IKZF4: variants seen among roughly 807,000 people sequenced by gnomAD.
The protein encoded by IKZF4 is IKAROS family zinc finger 4.
A neutral mutation model predicts 47.7 loss-of-function variants in IKZF4; 11 were observed. The observed-to-expected ratio is 0.23, with a 90% CI of 0.15 to 0.38. The LOEUF (loss-of-function observed/expected upper bound fraction) is 0.38. IKZF4 is among the 10% of genes least tolerant of loss of function. The pLI is 1.00. For synonymous variants in IKZF4, 298 were observed against 299.4 expected (o/e 1.00, Z 0.05); for missense variants, 557 against 784.9 (o/e 0.71, Z 3.47).
At chr12:56,012,236 T>G (rs1460617089) in intron 2 of IKZF4, among the ~76,000 whole-genome samples, 1 of 152,170 alleles carries the variant, frequency 6.6e-6, no homozygotes, top group Non-Finnish European at 1.5e-5. Context: ...TCATGACCTT[T>G]TACCCCCTAG....
intron 1 of IKZF4, among the ~76,000 whole-genome samples, chr12:56,009,690 C>T (rs1891115127): frequency 6.6e-6 from 1 of 152,216 alleles, no homozygotes; most frequent in Non-Finnish European, 1.5e-5. Context: ...CAGAATTATA[C>T]CTTGCCCTAG....
In IKZF4 at chr12:56,036,963, TTCTC is replaced by T. The variant is rs1341801991; in HGVS notation, c.*1639_*1642del. ...CCTCACAAGTTGTAACTCTTGGTCC[TTCTC>T]TCTCTCCTTTTCTCTTCCCTTCCTT... On this transcript the variant is annotated 3_prime_UTR_variant, in exon 8 of 8. Transcript: ENST00000547167. 1 of 152,182 alleles carries T rather than the reference TTCTC, an allele frequency of 6.6e-6. No individual in the cohort carries two copies. The highest frequency in any genetic ancestry group is 1.5e-5 in the Non-Finnish European group (1 of 68,028). 9.4% of individuals were successfully genotyped at this position (152,182 alleles called of 1,614,324 possible).
rs368465894 is a variant in IKZF4 at position 56,034,758 on chromosome 12, C to T, written c.1185C>T (p.Leu395=). ...CACCCACCAATTGCATCTCAGAACT[C>T]ACGCCTGTCATCAGCTCTGTCTACA... is the stretch of plus-strand genomic sequence containing the variant. The part of the protein sequence containing the change: ...RLPPTNCISE[L]TPVISSVYTQ... The change falls in exon 8 of 8, where the codon CTC becomes CTT. Residue 395 remains leucine (L), a synonymous_variant. Transcript: ENST00000547167. 123 of 1,614,052 alleles carry T rather than the reference C, an allele frequency of 7.6e-5. No individual in the cohort carries two copies. In the East Asian group the frequency reaches 2.3e-3, roughly 30 times the overall value.
Position 56,030,656 on chromosome 12 carries a change from G to C in IKZF4, c.716-1905G>C, listed in dbSNP as rs374823915. Among the ~76,000 whole-genome samples, 7 of 152,134 alleles carry C rather than the reference G, an allele frequency of 4.6e-5. No individual in the cohort carries two copies. The East Asian group carries it at 1.2e-3, about 25-fold the overall frequency. The stretch of plus-strand genomic sequence containing the variant: ...AGACAGGAGAATTCCTTGAGCCCAG[G>C]AGGCAGAGGTTGCAGTAAGCCAAGA... On this transcript the variant is annotated intron_variant, in intron 5 of 7. Coordinates refer to ENST00000547167, the MANE Select transcript of IKZF4 (RefSeq NM_022465.4).
At chr12:56,022,083 G>A (rs1893109993) in intron 1 of IKZF4, among the ~76,000 whole-genome samples, 1 of 152,130 alleles carries the variant, frequency 6.6e-6, no homozygotes, top group Non-Finnish European at 1.5e-5. Flanking sequence ...TGCCACCCTG[G>A]AGCCCGTGGT....
Position 56,027,059 on chromosome 12 carries a change from G to T in IKZF4, c.547+18G>T. On this transcript the variant is annotated intron_variant, in intron 4 of 7. Coordinates refer to ENST00000547167, the MANE Select transcript of IKZF4 (RefSeq NM_022465.4). ...TCACACTGGTAAGTAAGCCAGAGGG[G>T]CTCTGGGAGGAGCTCCCAGGGTGGG... is the stretch of plus-strand genomic sequence containing the variant. 6.7e-7 allele frequency: 1 copy of T among 1,485,180 alleles called. No homozygotes were observed. The highest frequency in any genetic ancestry group is 2.5e-5 in the East Asian group (1 of 40,108). The allele number at this position is 1,485,180 out of a possible 1,614,324, so 92.0% of individuals were successfully genotyped here.
At chr12:56,017,059 G>A (rs543166986), upstream of IKZF4, among the ~76,000 whole-genome samples, 2 of 151,946 alleles carry the variant, frequency 1.3e-5, no homozygotes, top group African/African-American at 4.8e-5. Context: ...ATTTCCACCA[G>A]ATAGATTTTT....
At chr12:56,013,299 G>A (rs367951416) in intron 2 of IKZF4, among the ~76,000 whole-genome samples, 15 of 152,106 alleles carry the variant, frequency 9.9e-5, no homozygotes, top group East Asian at 7.8e-4. Flanking sequence ...GGGTTCAAAC[G>A]ATTCTTATGC....
Position 56,023,784 on chromosome 12 carries a change from G to A in IKZF4, c.181+20G>A. On this transcript the variant is annotated intron_variant, in intron 2 of 7. Transcript: ENST00000547167. ...GTGAAAGTAAGTATGTGCATAGCTGGGCAATTGGGTAAAGTACTAATAGGT... is the reference window on the plus strand; with the variant it reads ...GTGAAAGTAAGTATGTGCATAGCTGAGCAATTGGGTAAAGTACTAATAGGT... 3.7e-6 allele frequency: 6 copies of A among 1,610,682 alleles called. No individual in the cohort carries two copies. The highest frequency in any genetic ancestry group is 5.1e-6 in the Non-Finnish European group (6 of 1,178,230).
chr12:56,024,726 TC>T (rs1470621307), intron 2 of IKZF4: 2 of 1,206,670 alleles, frequency 1.7e-6, no homozygotes, highest in African/African-American at 3.2e-5. Context: ...TGAACATCTG[TC>T]CCTTCTGCAG....
intron 2 of IKZF4, among the ~76,000 whole-genome samples, chr12:56,013,996 C>T (rs540915693): frequency 2.6e-5 from 4 of 152,060 alleles, no homozygotes; most frequent in Middle Eastern, 3.4e-3. Context: ...ACTAAAAATA[C>T]AAAAATTAGC....
At position 56,014,800 on chromosome 12, in the gene IKZF4, A is replaced by AAACAAG. The variant is rs1194241616; in HGVS notation, c.-214+3311_-214+3312insGAACAA. On this transcript the variant is annotated intron_variant, in intron 2 of 11. Coordinates refer to the IKZF4 transcript ENST00000262032. ...GTCTCAAAAAAAAAAACAAAAACAAAAACAAAAAAAACAGGGAAAAGCAAG... is the reference window on the plus strand; with the variant it reads ...GTCTCAAAAAAAAAAACAAAAACAAAAACAAGAACAAAAAAAACAGGGAAAAGCAAG... Among the ~76,000 whole-genome samples the AAACAAG allele has an allele frequency of 3.3e-5, 5 of 152,226 alleles. No homozygotes were observed. In the East Asian group the frequency reaches 5.8e-4, roughly 18 times the overall value.
Position 56,024,874 on chromosome 12 carries a change from G to A in IKZF4, c.182-180G>A, listed in dbSNP as rs7298188. The A allele has an allele frequency of 1.2e-3, 1,760 of 1,484,168 alleles. 8 individuals are homozygous for A. In the African/African-American group the frequency reaches 0.019, roughly 16 times the overall value. The allele number at this position is 1,484,168 out of a possible 1,614,324, so 91.9% of individuals were successfully genotyped here. On this transcript the variant is annotated intron_variant, in intron 2 of 7. Transcript: ENST00000547167. ...CCAGCCACTGAGCTCACAGAAGGCA[G>A]CACCAGGCATCCAGACTGGCGGGGG...
chr12:56,026,544 C>T (rs1346415374), intron 3 of IKZF4, among the ~76,000 whole-genome samples: 2 of 151,902 alleles, frequency 1.3e-5, no homozygotes, highest in Non-Finnish European at 2.9e-5. Context: ...ACCAAATTAG[C>T]TGGGTGTGAT....
chr12:56,017,073 T>C (rs1194643422), upstream of IKZF4, among the ~76,000 whole-genome samples: 4 of 152,026 alleles, frequency 2.6e-5, no homozygotes, highest in African/African-American at 4.8e-5. Context: ...GATTTTTTTT[T>C]TCTCTCCTCC....
chr12:56,026,806 C>T lies in IKZF4; in HGVS notation c.312C>T (p.Tyr104=), dbSNP rs1353201321. ...CCAACTCCATCAAGGTGGAGATGTA[C>T]AGCGATGAGGAGTCAAGCAGACTGC... ...LSANSIKVEM[Y]SDEESSRLLG... The change falls in exon 4 of 8, where the codon TAC becomes TAT. Residue 104 remains tyrosine, a synonymous_variant. Coordinates refer to ENST00000547167, the MANE Select transcript of IKZF4 (RefSeq NM_022465.4). 1 of 1,596,876 alleles carries T rather than the reference C, an allele frequency of 6.3e-7. No individual in the cohort carries two copies. The highest frequency in any genetic ancestry group is 1.1e-5 in the South Asian group (1 of 87,990).
chr12:56,010,986 A>T (rs1422851429), intron 1 of IKZF4: 1 of 152,190 alleles, frequency 6.6e-6, no homozygotes, highest in Non-Finnish European at 1.5e-5. Context: ...GCACAATTGC[A>T]ATCAAAGGCA....
At chr12:56,029,773 G>C (rs531096009) in intron 5 of IKZF4, 1 of 152,142 alleles carries the variant, frequency 6.6e-6, no homozygotes, top group Admixed American at 6.5e-5. Context: ...GAAGCTGTTG[G>C]GGGGAAAAAT....
At chr12:56,018,090 C>G (rs1436309093), upstream of IKZF4, 1 of 1,254,562 alleles carries the variant, frequency 8.0e-7, no homozygotes, top group Non-Finnish European at 1.0e-6. Context: ...CTTCCCAGAG[C>G]TATCTTCTAA....
Sources: allele counts gnomAD v4.1 joint callset (sites outside exome capture counted in the v4.1 genomes callset), GRCh38; gene constraint gnomAD v4.1.1; transcripts MANE v1.5; gene names NCBI Gene and HGNC (gene_info 2026-07-23, HGNC 2026-07-21).